The following CLASP1 variants were observed in gnomAD, a reference collection of about 807,000 sequenced individuals.
CLASP1 encodes the protein cytoplasmic linker associated protein 1.
CLASP1 carries 38 observed loss-of-function variants against 192.3 expected under a neutral mutation model. The observed-to-expected ratio is 0.20, with a 90% CI of 0.15 to 0.26. The LOEUF (loss-of-function observed/expected upper bound fraction) is 0.26, where lower values mean the gene tolerates loss of function less well. Ranked by LOEUF, CLASP1 falls within the 10% of genes least tolerant of loss-of-function variation. The probability of loss-of-function intolerance (pLI) is 1.00; values close to 1 mark genes in which losing one functional copy is unlikely to be tolerated. For synonymous variants in CLASP1, 691 were observed against 712.8 expected (o/e 0.97, Z 0.49); for missense variants, 1,433 against 1,932.5 (o/e 0.74, Z 4.85).
rs1430580492 is a variant in CLASP1 at position 121,577,120 on chromosome 2, G to A, written c.195+28581C>T. Reference sequence around the variant, plus strand: ...TCCAGGGGACTGGGGGGCAGCAGAGGGAAGACAGATGAAACAAAAGCAGCA... The same window carrying A: ...TCCAGGGGACTGGGGGGCAGCAGAGAGAAGACAGATGAAACAAAAGCAGCA... On this transcript the variant is annotated intron_variant, in intron 2 of 39. Coordinates refer to ENST00000263710, the Ensembl canonical transcript of CLASP1. Among the ~76,000 whole-genome samples the A allele has an allele frequency of 5.3e-5, 8 of 152,154 alleles. No individual in the cohort carries two copies. In the East Asian group the frequency reaches 1.5e-3, roughly 29 times the overall value.
chr2:121,584,608 G>A (rs1182471271), intron 2 of CLASP1, among the ~76,000 whole-genome samples: 1 of 151,924 alleles, frequency 6.6e-6, no homozygotes, highest in Admixed American at 6.6e-5. Context: ...AATAAAAATG[G>A]TGGGGTATGT....
intron 6 of CLASP1, among the ~76,000 whole-genome samples, chr2:121,522,369 C>G (rs539026926): frequency 2.6e-5 from 4 of 152,258 alleles, no homozygotes; most frequent in Non-Finnish European, 5.9e-5. Context: ...AGGCCTAGAA[C>G]TCAGCCCACA....
At chr2:121,553,928 A>T (rs572033248) in intron 2 of CLASP1, among the ~76,000 whole-genome samples, 1 of 152,226 alleles carries the variant, frequency 6.6e-6, no homozygotes, top group South Asian at 2.1e-4. Flanking sequence ...AATAACACTC[A>T]ACAGGCTACA....
intron 19 of CLASP1, among the ~76,000 whole-genome samples, chr2:121,433,898 C>CT (rs2081895262): frequency 6.6e-6 from 1 of 152,148 alleles, no homozygotes; most frequent in Admixed American, 6.5e-5. Context: ...TTCCTATTCT[C>CT]TGAGTTTACG....
chr2:121,591,500 G>T (rs949903524), intron 2 of CLASP1, among the ~76,000 whole-genome samples: 13 of 152,196 alleles, frequency 8.5e-5, no homozygotes, highest in African/African-American at 2.6e-4. Flanking sequence ...ACCTCTCCCT[G>T]AGGTCTTTCA....
intron 2 of CLASP1, chr2:121,531,072 T>G (rs1003544139): frequency 5.8e-6 from 4 of 690,632 alleles, no homozygotes; most frequent in South Asian, 4.5e-5. Flanking sequence ...AACTAGTACT[T>G]TGTGGTTAAA....
chr2:121,643,022 T>C (rs1355896937), intron 1 of CLASP1, among the ~76,000 whole-genome samples: 1 of 152,184 alleles, frequency 6.6e-6, no homozygotes, highest in Non-Finnish European at 1.5e-5. Flanking sequence ...ATTTAACTGA[T>C]TCTGCCTGGA....
chr2:121,526,978 G>T (rs993701352), intron 5 of CLASP1, among the ~76,000 whole-genome samples: 2 of 152,134 alleles, frequency 1.3e-5, no homozygotes, highest in African/African-American at 4.8e-5. Flanking sequence ...ATAAAAAAAT[G>T]ACAACATCCA....
intron 6 of CLASP1, among the ~76,000 whole-genome samples, chr2:121,525,191 T>C (rs572753907): frequency 2.0e-5 from 3 of 152,240 alleles, no homozygotes; most frequent in East Asian, 1.9e-4. Flanking sequence ...GGTTGAGAAA[T>C]AGCATTGAAC....
At chr2:121,645,872 A>C (rs1487951873) in intron 1 of CLASP1, among the ~76,000 whole-genome samples, 1 of 152,194 alleles carries the variant, frequency 6.6e-6, no homozygotes, top group Non-Finnish European at 1.5e-5. Flanking sequence ...TGGTCTGGGC[A>C]TAAAGCCGGC....
intron 8 of CLASP1, among the ~76,000 whole-genome samples, chr2:121,491,500 G>C (rs1373695367): frequency 6.6e-6 from 1 of 152,114 alleles, no homozygotes; most frequent in African/African-American, 2.4e-5. Context: ...CATAATTACT[G>C]GGTCTTTCAT....
At chr2:121,570,513 T>C (rs968385768) in intron 2 of CLASP1, among the ~76,000 whole-genome samples, 8 of 152,242 alleles carry the variant, frequency 5.3e-5, no homozygotes, top group Non-Finnish European at 1.0e-4. Flanking sequence ...CAGAATCTAG[T>C]GAACTCTTAA....
At chr2:121,481,552 G>A (rs1320447394) in intron 8 of CLASP1, among the ~76,000 whole-genome samples, 2 of 152,182 alleles carry the variant, frequency 1.3e-5, no homozygotes, top group Non-Finnish European at 2.9e-5. Context: ...TTAGGAATAT[G>A]CTTTCATCAA....
At chr2:121,353,946 T>A (rs1340187058) in intron 37 of CLASP1, among the ~76,000 whole-genome samples, 1 of 152,074 alleles carries the variant, frequency 6.6e-6, no homozygotes, top group Non-Finnish European at 1.5e-5. Flanking sequence ...ACACATAATA[T>A]TTTAAGTTTT....
intron 2 of CLASP1, among the ~76,000 whole-genome samples, chr2:121,541,541 C>T (rs1284166378): frequency 6.6e-6 from 1 of 152,190 alleles, no homozygotes; most frequent in Non-Finnish European, 1.5e-5. Flanking sequence ...CAAAACCCCA[C>T]ATTTTTAGTC....
chr2:121,363,008 A>G (rs2066708011), intron 37 of CLASP1, among the ~76,000 whole-genome samples, 164 bp downstream of exon 38: 1 of 152,244 alleles, frequency 6.6e-6, no homozygotes, highest in African/African-American at 2.4e-5. Flanking sequence ...GCCACTGCTC[A>G]GCAAGGACGA....
chr2:121,395,222 T>C (rs2149427327), intron 30 of CLASP1, among the ~76,000 whole-genome samples: 1 of 152,218 alleles, frequency 6.6e-6, no homozygotes. Context: ...AGAACACATG[T>C]CAGATTCCTG....
intron 32 of CLASP1, among the ~76,000 whole-genome samples, chr2:121,382,539 C>A (rs2071963092): frequency 6.6e-6 from 1 of 152,070 alleles, no homozygotes; most frequent in South Asian, 2.1e-4. Context: ...TTATTCTTTC[C>A]CCTCCCAAAC....
chr2:121,592,401 G>A (rs1424212889), intron 2 of CLASP1, among the ~76,000 whole-genome samples: 1 of 152,136 alleles, frequency 6.6e-6, no homozygotes, highest in East Asian at 1.9e-4. Flanking sequence ...AACAATGTAT[G>A]AATATAAATG....
Sources: gnomAD v4.1 joint callset for allele counts (sites outside exome capture counted in the v4.1 genomes callset) on GRCh38, gnomAD v4.1.1 for gene constraint, MANE v1.5 for transcripts, NCBI Gene and HGNC (gene_info 2026-07-23, HGNC 2026-07-21) for gene names.